The following CTNNA3 variants were observed in gnomAD, a reference collection of about 807,000 sequenced individuals.
The protein encoded by CTNNA3 is catenin alpha 3, also known as catenin alpha-3.
Under a neutral mutation model 95.7 loss-of-function variants are expected in CTNNA3, and 76 were observed. The observed-to-expected ratio is 0.79, with a 90% confidence interval of 0.66 to 0.96. CTNNA3 has a LOEUF of 0.96. CTNNA3 is among the 40% of genes least tolerant of loss of function. CTNNA3 has a pLI of 0.00. For synonymous variants in CTNNA3, 431 were observed against 374.4 expected (o/e 1.15, Z -1.74); for missense variants, 1,191 against 1,089.8 (o/e 1.09, Z -1.31).
intron 7 of CTNNA3, among the ~76,000 whole-genome samples, chr10:66,901,524 C>G (rs1299777623): frequency 7.2e-5 from 11 of 152,138 alleles, no homozygotes; most frequent in Non-Finnish European, 1.6e-4. Flanking sequence ...TCACACATAA[C>G]AAAATTAACC....
intron 7 of CTNNA3, among the ~76,000 whole-genome samples, chr10:66,928,886 G>A (rs1847220973): frequency 6.6e-6 from 1 of 152,152 alleles, no homozygotes; most frequent in Non-Finnish European, 1.5e-5. Flanking sequence ...CCAGGTGCTC[G>A]GAGCTTGAGC....
At chr10:67,194,507 G>A (rs1055608383) in intron 6 of CTNNA3, among the ~76,000 whole-genome samples, 1 of 151,970 alleles carries the variant, frequency 6.6e-6, no homozygotes, top group African/African-American at 2.4e-5. Flanking sequence ...ATGACATTCT[G>A]AAAAGGGAAA....
chr10:66,153,848 TAC>T (rs148457020), intron 13 of CTNNA3, among the ~76,000 whole-genome samples: 57,644 of 148,846 alleles, frequency 0.39, 11,689 homozygotes, highest in Non-Finnish European at 0.46. Context: ...ATAATTTGTT[TAC>T]ACACACACAC....
intron 7 of CTNNA3, among the ~76,000 whole-genome samples, chr10:66,996,211 T>A (rs1483815368): frequency 1.3e-5 from 2 of 152,204 alleles, no homozygotes; most frequent in Non-Finnish European, 2.9e-5. Flanking sequence ...TGATATTATA[T>A]AATTAGAGAT....
intron 3 of CTNNA3, among the ~76,000 whole-genome samples, chr10:67,590,471 C>T (rs962289778): frequency 2.6e-5 from 4 of 152,058 alleles, no homozygotes; most frequent in Non-Finnish European, 4.4e-5. Flanking sequence ...ACGTGACATA[C>T]CAAAACTGTT....
chr10:66,204,628 C>T (rs1424656144), intron 13 of CTNNA3, among the ~76,000 whole-genome samples: 1 of 152,156 alleles, frequency 6.6e-6, no homozygotes, highest in East Asian at 1.9e-4. Flanking sequence ...TATCCCTGTG[C>T]TCTTAGTGAC....
At chr10:67,309,829 C>T (rs779085340) in intron 5 of CTNNA3, among the ~76,000 whole-genome samples, 1 of 152,062 alleles carries the variant, frequency 6.6e-6, no homozygotes, top group Non-Finnish European at 1.5e-5. Flanking sequence ...CCAAAAGGAG[C>T]AGAATTATAC....
chr10:67,477,754 C>A (rs1438508370), intron 5 of CTNNA3, among the ~76,000 whole-genome samples: 1 of 152,164 alleles, frequency 6.6e-6, no homozygotes, highest in Non-Finnish European at 1.5e-5. Flanking sequence ...AAGGAACCAG[C>A]TAAAGAATTC....
intron 15 of CTNNA3, among the ~76,000 whole-genome samples, chr10:66,060,832 G>T (rs1287667206): frequency 6.6e-6 from 1 of 152,054 alleles, no homozygotes. Context: ...GAACAACAGG[G>T]TGATTAAATG....
intron 2 of CTNNA3, among the ~76,000 whole-genome samples, chr10:67,647,136 A>G (rs949395439): frequency 2.2e-4 from 27 of 121,846 alleles, no homozygotes; most frequent in African/African-American, 6.7e-4. Context: ...ATATAAAGGT[A>G]CTCTGAAAAT....
chr10:66,110,189 C>A (rs1406775475), intron 13 of CTNNA3, among the ~76,000 whole-genome samples: 2 of 151,622 alleles, frequency 1.3e-5, no homozygotes, highest in East Asian at 1.9e-4. Flanking sequence ...GGTGAAACCC[C>A]GTCTCTACTA....
At chr10:67,196,985 T>G (rs956478805) in intron 6 of CTNNA3, among the ~76,000 whole-genome samples, 1 of 152,154 alleles carries the variant, frequency 6.6e-6, no homozygotes, top group Non-Finnish European at 1.5e-5. Context: ...GCAATGGTGA[T>G]TAACTTATTC....
chr10:66,626,423 A>G (rs1480695178), intron 9 of CTNNA3, among the ~76,000 whole-genome samples: 1 of 152,078 alleles, frequency 6.6e-6, no homozygotes, highest in Non-Finnish European at 1.5e-5. Context: ...TCAATGGGGG[A>G]GAAAGGTCAC....
chr10:66,691,300 A>G (rs898093611), intron 9 of CTNNA3, among the ~76,000 whole-genome samples: 3 of 152,156 alleles, frequency 2.0e-5, no homozygotes, highest in African/African-American at 7.2e-5. Flanking sequence ...GCGCACCAGG[A>G]GATTATATCC....
intron 9 of CTNNA3, among the ~76,000 whole-genome samples, chr10:66,735,313 C>A (rs1054958746): frequency 6.6e-6 from 1 of 151,738 alleles, no homozygotes; most frequent in Non-Finnish European, 1.5e-5. Flanking sequence ...AGGAATAATT[C>A]TTTTAAAAAC....
At chr10:66,315,816 T>G (rs1589075113) in intron 12 of CTNNA3, among the ~76,000 whole-genome samples, 2 of 152,208 alleles carry the variant, frequency 1.3e-5, no homozygotes, top group East Asian at 3.9e-4. Context: ...GAAGCCCATA[T>G]TTCCTACAAC....
intron 5 of CTNNA3, among the ~76,000 whole-genome samples, chr10:67,495,148 T>C (rs1273054381): frequency 2.0e-5 from 3 of 152,162 alleles, no homozygotes; most frequent in Non-Finnish European, 4.4e-5. Context: ...TCAAAGTACA[T>C]GATAAAGTGC....
chr10:66,524,375 A>G (rs535289065), intron 10 of CTNNA3, among the ~76,000 whole-genome samples: 1 of 152,240 alleles, frequency 6.6e-6, no homozygotes, highest in East Asian at 1.9e-4. Flanking sequence ...TCCCTAAGAG[A>G]AACTATTCTG....
chr10:66,002,487 T>C (rs1486775780), intron 15 of CTNNA3, among the ~76,000 whole-genome samples: 2 of 152,230 alleles, frequency 1.3e-5, no homozygotes, highest in African/African-American at 4.8e-5. Flanking sequence ...TCTATTTCTC[T>C]TGTTCCATAT....
Sources: allele counts gnomAD v4.1 joint callset (sites outside exome capture counted in the v4.1 genomes callset), GRCh38; gene constraint gnomAD v4.1.1; transcripts MANE v1.5; gene names NCBI Gene and HGNC (gene_info 2026-07-23, HGNC 2026-07-21).